The following PCDHA2 variants were observed in gnomAD, a reference collection of about 807,000 sequenced individuals.
The protein encoded by PCDHA2 is protocadherin alpha 2.
In PCDHA2, 58 loss-of-function variants were observed where a neutral mutation model predicts 66.0. The ratio of observed to expected loss-of-function variants is 0.88; its 90% CI spans 0.71 to 1.09. The LOEUF (loss-of-function observed/expected upper bound fraction) is 1.09, where lower values mean the gene tolerates loss of function less well. Ranked by LOEUF, PCDHA2 falls within the 50% of genes least tolerant of loss-of-function variation. The probability of loss-of-function intolerance (pLI) is 0.00; values close to 1 mark genes in which losing one functional copy is unlikely to be tolerated. For synonymous variants in PCDHA2, 634 were observed against 554.0 expected, an observed-to-expected ratio of 1.14 and a Z score of -2.03; for missense variants, 1,267 against 1,242.3, an observed-to-expected ratio of 1.02 and a Z score of -0.30.
At chr5:141,007,199 G>A (rs561958637) in intron 3 of PCDHA2, among the ~76,000 whole-genome samples, 3 of 152,036 alleles carry the variant, frequency 2.0e-5, no homozygotes, top group African/African-American at 7.2e-5. Flanking sequence ...TGATGGTGGG[G>A]GCCAGAATAT....
intron 1 of PCDHA2, among the ~76,000 whole-genome samples, chr5:140,920,056 C>T (rs2079426580): frequency 6.6e-6 from 1 of 152,144 alleles, no homozygotes; most frequent in African/African-American, 2.4e-5. Flanking sequence ...GCCACCAACA[C>T]CTGGAAAAGG....
chr5:140,965,275 C>T (rs1280046381), intron 1 of PCDHA2, among the ~76,000 whole-genome samples: 7 of 152,158 alleles, frequency 4.6e-5, no homozygotes, highest in Non-Finnish European at 1.0e-4. Context: ...GGCAATGACA[C>T]AGCATGGAAA....
At chr5:140,867,347 T>C (rs1465501574) in intron 1 of PCDHA2, 1 of 152,144 alleles carries the variant, frequency 6.6e-6, no homozygotes, top group Non-Finnish European at 1.5e-5. Context: ...GAGGCTACTA[T>C]GATTGATTAT....
chr5:140,992,017 C>CTGTGTG (rs10602499), intron 3 of PCDHA2, among the ~76,000 whole-genome samples: 2,290 of 145,594 alleles, frequency 0.016, 56 homozygotes, highest in African/African-American at 0.05. Flanking sequence ...AGAGGTGGCT[C>CTGTGTG]TGTGTGTGTG....
At chr5:140,806,114 CA>C (rs1392968631) in intron 1 of PCDHA2, among the ~76,000 whole-genome samples, 5 of 152,140 alleles carry the variant, frequency 3.3e-5, no homozygotes, top group African/African-American at 1.2e-4. Context: ...TTGGTTTGAT[CA>C]TGACATTCTT....
intron 1 of PCDHA2, chr5:140,967,383 T>A: frequency 6.2e-7 from 1 of 1,608,702 alleles, no homozygotes; most frequent in Non-Finnish European, 8.5e-7. Flanking sequence ...AACAGTAAAG[T>A]GCTTGAGCTG....
chr5:140,870,911 A>G (rs782609021), intron 1 of PCDHA2: 2 of 1,613,910 alleles, frequency 1.2e-6, no homozygotes, highest in Non-Finnish European at 1.7e-6. Context: ...TCAGGCTACA[A>G]CGCGTGGCTT....
At chr5:140,860,205 A>G (rs1007227708) in intron 1 of PCDHA2, 2 of 149,744 alleles carry the variant, frequency 1.3e-5, no homozygotes, top group East Asian at 3.9e-4. Flanking sequence ...ATATATCTAT[A>G]TATGTACTTA....
chr5:140,887,446 C>T (rs554116341), intron 1 of PCDHA2, among the ~76,000 whole-genome samples: 1 of 152,170 alleles, frequency 6.6e-6, no homozygotes, highest in East Asian at 1.9e-4. Flanking sequence ...GCATAGTTGA[C>T]AGTTTTTTAA....
intron 1 of PCDHA2, chr5:140,803,339 A>G (rs1763174931): frequency 1.9e-6 from 3 of 1,614,026 alleles, no homozygotes; most frequent in Non-Finnish European, 2.5e-6. Flanking sequence ...TGGTGCTCAC[A>G]CTGCTGCTAT....
chr5:140,801,855 C>G (rs782570230), intron 1 of PCDHA2: 1 of 1,614,054 alleles, frequency 6.2e-7, no homozygotes, highest in Non-Finnish European at 8.5e-7. Flanking sequence ...TGGTGGGAAA[C>G]CAGAGCTCAC....
chr5:140,857,420 G>T lies in PCDHA2; in HGVS notation c.2388+60068G>T. The T allele has an allele frequency of 6.9e-6, 11 of 1,598,360 alleles. 1 individual carries two copies. Among genetic ancestry groups the T allele is most frequent in the Non-Finnish European group, 8.6e-6 (10 of 1,167,812 alleles). On this transcript the variant is annotated intron_variant, in intron 1 of 3. Coordinates refer to ENST00000526136, the MANE Select transcript of PCDHA2 (RefSeq NM_018905.3). Reference sequence around the variant, plus strand: ...CAACGCGCCTGCGTTCGCGCAGTCCGAGTACACGGTGTTCGTGAAGGAGAA... The same window carrying T: ...CAACGCGCCTGCGTTCGCGCAGTCCTAGTACACGGTGTTCGTGAAGGAGAA...
intron 1 of PCDHA2, among the ~76,000 whole-genome samples, chr5:140,890,939 G>A (rs1236920048): frequency 6.6e-6 from 1 of 152,106 alleles, no homozygotes; most frequent in Admixed American, 6.6e-5. Flanking sequence ...GTCCAAAGAT[G>A]CTGGTGAGGA....
At chr5:140,804,834 T>G (rs1023303895) in intron 1 of PCDHA2, 1 of 416,050 alleles carries the variant, frequency 2.4e-6, no homozygotes, top group East Asian at 4.0e-5. Context: ...TAATACTCAT[T>G]GACAGTGTGG....
chr5:140,881,695 T>G (rs576802700), intron 1 of PCDHA2, among the ~76,000 whole-genome samples: 1 of 152,318 alleles, frequency 6.6e-6, no homozygotes, highest in East Asian at 1.9e-4. Flanking sequence ...CCTTTTGGAG[T>G]CAATGGCTGT....
chr5:140,803,042 C>A (rs373825257), intron 1 of PCDHA2: 5 of 1,614,006 alleles, frequency 3.1e-6, no homozygotes, highest in African/African-American at 2.7e-5. Context: ...AGCCTGGGAC[C>A]GGCGGTGCGC....
chr5:140,981,698 A>C (rs1414640370), intron 2 of PCDHA2, among the ~76,000 whole-genome samples: 1 of 151,174 alleles, frequency 6.6e-6, no homozygotes, highest in Non-Finnish European at 1.5e-5. Context: ...TCATTCATTC[A>C]TTCATTCATT....
chr5:140,965,011 A>T (rs1418726287), intron 1 of PCDHA2, among the ~76,000 whole-genome samples: 1 of 152,186 alleles, frequency 6.6e-6, no homozygotes, highest in Non-Finnish European at 1.5e-5. Context: ...TGTCAGGATC[A>T]CAACCTTGGC....
At chr5:140,993,460 TCTCACA>T (rs782519654) in intron 3 of PCDHA2, among the ~76,000 whole-genome samples, 239 of 104,566 alleles carry the variant, frequency 2.3e-3, no homozygotes, top group Admixed American at 6.0e-3. Context: ...CTTCTTTCTT[TCTCACA>T]CACACACACA....
Sources: gnomAD v4.1 joint callset for allele counts (sites outside exome capture counted in the v4.1 genomes callset) on GRCh38, gnomAD v4.1.1 for gene constraint, MANE v1.5 for transcripts, NCBI Gene and HGNC (gene_info 2026-07-23, HGNC 2026-07-21) for gene names.